The following GNB1L variants were observed in gnomAD, a reference collection of about 807,000 sequenced individuals.
The protein encoded by GNB1L is guanine nucleotide-binding protein subunit beta-like protein 1.
Under a neutral mutation model 29.1 loss-of-function variants are expected in GNB1L, and 20 were observed. The observed-to-expected ratio is 0.69, with a 90% CI of 0.48 to 1.00. The LOEUF (loss-of-function observed/expected upper bound fraction) is 1.00, where lower values mean the gene tolerates loss of function less well. GNB1L is among the 50% of genes least tolerant of loss of function. The pLI, the probability that GNB1L is intolerant of heterozygous loss-of-function variation, is 0.00. For missense variants in GNB1L, 421 were observed against 464.9 expected (o/e 0.91, Z 0.87); for synonymous variants, 193 against 206.5 (o/e 0.93, Z 0.56).
intron 2 of GNB1L, chr22:19,847,813 A>AAAAAAAAAAAAAAAAAAAAAC: frequency 1.1e-6 from 1 of 938,558 alleles, no homozygotes; most frequent in Non-Finnish European, 1.3e-6. Context: ...GCAAAAAAAA[A>AAAAAAAAAAAAAAAAAAAAAC]AAAAAAAAAA....
chr22:19,852,104 C>T, intron 2 of GNB1L: 1 of 1,614,244 alleles, frequency 6.2e-7, no homozygotes, highest in Admixed American at 1.7e-5. Flanking sequence ...CACGGTGTCC[C>T]CACAGCAGGG....
At position 19,784,434 on chromosome 22, in the gene GNB1L, G is replaced by A. The variant is rs1937173301; in HGVS notation, c.*4275C>T. ...GCCTGCAGGGACACCCACTGCCAGA[G>A]GCGGAGGCAGGTTCTCCTGGTCCCA... On this transcript the variant is annotated 3_prime_UTR_variant, in exon 8 of 8. Transcript: ENST00000329517. 6.6e-6 allele frequency: 1 copy of A among 152,258 alleles called. No individual in the cohort carries two copies. The highest frequency in any genetic ancestry group is 2.1e-4 in the South Asian group (1 of 4,836). The allele number at this position is 152,258 out of a possible 1,614,324, so 9.4% of individuals were successfully genotyped here.
chr22:19,841,001 C>A (rs1197436493), intron 2 of GNB1L, among the ~76,000 whole-genome samples: 1 of 152,148 alleles, frequency 6.6e-6, no homozygotes. Flanking sequence ...CAAGAAAAGT[C>A]TAAGAAGTTG....
chr22:19,821,690 G>A (rs1237792947), intron 2 of GNB1L, among the ~76,000 whole-genome samples: 1 of 152,194 alleles, frequency 6.6e-6, no homozygotes, highest in Admixed American at 6.5e-5. Context: ...CACCTGACTG[G>A]TGCACCCGCT....
intron 5 of GNB1L, among the ~76,000 whole-genome samples, chr22:19,807,074 G>A (rs1475052844): frequency 1.3e-5 from 2 of 152,082 alleles, no homozygotes; most frequent in Non-Finnish European, 2.9e-5. Context: ...CTTTACATAC[G>A]AACCAGTGTG....
intron 2 of GNB1L, among the ~76,000 whole-genome samples, chr22:19,845,480 C>T (rs1937941332): frequency 6.6e-6 from 1 of 152,224 alleles, no homozygotes; most frequent in Non-Finnish European, 1.5e-5. Context: ...GTCAGATGTC[C>T]TGTGCACCCA....
At chr22:19,809,021 A>G (rs5993836) in intron 5 of GNB1L, among the ~76,000 whole-genome samples, 2 of 152,144 alleles carry the variant, frequency 1.3e-5, no homozygotes, top group African/African-American at 4.8e-5. Context: ...TAGGAAGGGA[A>G]GTCACCTGGC....
At chr22:19,830,157 A>T (rs1005325986) in intron 2 of GNB1L, among the ~76,000 whole-genome samples, 1 of 152,116 alleles carries the variant, frequency 6.6e-6, no homozygotes, top group African/African-American at 2.4e-5. Flanking sequence ...CTATGATCAC[A>T]CCTGTGACTA....
chr22:19,843,174 C>T (rs531446811), intron 2 of GNB1L, among the ~76,000 whole-genome samples: 7 of 152,314 alleles, frequency 4.6e-5, no homozygotes, highest in African/African-American at 7.2e-5. Flanking sequence ...CCTCTCAGCC[C>T]GTCTGTCAAC....
chr22:19,828,344 T>C (rs773954630), intron 2 of GNB1L, among the ~76,000 whole-genome samples: 59 of 152,304 alleles, frequency 3.9e-4, no homozygotes, highest in Admixed American at 8.5e-4. Flanking sequence ...TAATTCTTCA[T>C]TGCAGTTTAC....
chr22:19,792,685 A>C, intron 7 of GNB1L: 2 of 1,456,728 alleles, frequency 1.4e-6, no homozygotes, highest in Non-Finnish European at 9.5e-7. Context: ...GTCCCCACCA[A>C]GAGACCACCT....
intron 2 of GNB1L, chr22:19,849,047 A>T (rs1245172565): frequency 2.0e-6 from 2 of 985,394 alleles, no homozygotes; most frequent in African/African-American, 3.5e-5. Context: ...GGCCTGAGTC[A>T]TCGGACGGAG....
chr22:19,833,895 A>T (rs1937722340), intron 2 of GNB1L, among the ~76,000 whole-genome samples: 1 of 149,558 alleles, frequency 6.7e-6, no homozygotes. Context: ...ATAATAATAT[A>T]AATATAAATA....
chr22:19,814,024 G>C (rs1442947559), intron 4 of GNB1L, among the ~76,000 whole-genome samples: 1 of 152,166 alleles, frequency 6.6e-6, no homozygotes, highest in East Asian at 1.9e-4. Context: ...ATGTCAGAAG[G>C]ACACGGACTC....
At chr22:19,801,527 C>T (rs976705416) in intron 7 of GNB1L, among the ~76,000 whole-genome samples, 4 of 152,206 alleles carry the variant, frequency 2.6e-5, no homozygotes, top group African/African-American at 9.7e-5. Flanking sequence ...CTTCAGCAAC[C>T]GCCAGGTGGC....
chr22:19,833,127 T>C (rs1937708184), intron 2 of GNB1L, among the ~76,000 whole-genome samples: 1 of 152,198 alleles, frequency 6.6e-6, no homozygotes, highest in Non-Finnish European at 1.5e-5. Context: ...CCAAAATTAT[T>C]CAGCATACAA....
chr22:19,825,659 A>AT (rs1268447800), intron 2 of GNB1L, among the ~76,000 whole-genome samples: 2 of 151,462 alleles, frequency 1.3e-5, no homozygotes, highest in African/African-American at 4.9e-5. Flanking sequence ...TCTTTAAAAA[A>AT]TTTTTTTAAA....
intron 2 of GNB1L, among the ~76,000 whole-genome samples, chr22:19,821,703 G>A (rs1343904726): frequency 1.3e-5 from 2 of 152,142 alleles, no homozygotes; most frequent in Non-Finnish European, 2.9e-5. Flanking sequence ...CACCCGCTTG[G>A]GCCCCACCTG....
At chr22:19,846,281 C>T (rs1234473832) in intron 2 of GNB1L, 1 of 320,116 alleles carries the variant, frequency 3.1e-6, no homozygotes, top group African/African-American at 2.2e-5. Flanking sequence ...CAGGTGGACT[C>T]AAGGTTGAAT....
Sources: allele counts gnomAD v4.1 joint callset (sites outside exome capture counted in the v4.1 genomes callset), GRCh38; gene constraint gnomAD v4.1.1; transcripts MANE v1.5; gene names NCBI Gene and HGNC (gene_info 2026-07-23, HGNC 2026-07-21).